The following SGCA variants were observed in gnomAD, a reference collection of about 807,000 sequenced individuals.
SGCA encodes the protein sarcoglycan alpha.
In SGCA, 34 loss-of-function variants were observed where a neutral mutation model predicts 38.1. That is an observed-to-expected ratio of 0.89 (90% CI 0.68 to 1.19). SGCA has a LOEUF of 1.19. Ranked by LOEUF, SGCA falls within the 50% of genes most tolerant of loss-of-function variation. SGCA has a pLI of 0.00. For missense variants in SGCA, 476 were observed against 524.9 expected (o/e 0.91, Z 0.91); for synonymous variants, 209 against 214.6 (o/e 0.97, Z 0.23).
At chr17:50,171,847 C>T (rs912865934) in intron 8 of SGCA, 4 of 456,682 alleles carry the variant, frequency 8.8e-6, no homozygotes, top group African/African-American at 8.0e-5. Context: ...TGCAGGTCCC[C>T]TTGTCCGCCA....
Position 50,168,375 on chromosome 17 carries a change from C to T in SGCA, c.387C>T (p.Gly129=). 2 of 1,570,074 alleles carry T rather than the reference C, an allele frequency of 1.3e-6. No homozygotes were observed. The highest frequency in any genetic ancestry group is 1.7e-6 in the Non-Finnish European group (2 of 1,157,958). Residue 129 remains glycine (G), a splice_region_variant and synonymous_variant, in exon 5 of 10, where the codon GGC becomes GGT. Transcript: ENST00000262018. ...GAGGTGTCCACCTGGCCTTCCCAGG[C>T]CCCCTGCTGCCATACCAAGCCGAGT... ...RLVLEIGDPE[G]PLLPYQAEFL...
rs142169382 is a variant in SGCA, at chr17:50,168,539, G to A, written c.551G>A (p.Arg184His). 1.3e-5 allele frequency: 20 copies of A among 1,574,406 alleles called. No individual in the cohort carries two copies. The highest frequency in any genetic ancestry group is 5.4e-5 in the African/African-American group (4 of 74,310). The change falls in exon 5 of 10, where the codon CGT becomes CAT. Residue 184 changes from arginine to histidine, a missense_variant. By Grantham distance (29) the Arg-to-His change is conservative. Transcript: ENST00000262018. ...ACCTCTGCCTTGGACCGTGGGGGCC[G>A]TGTCCCCCTTCCCATTGAGGGCCGA... ...NVTSALDRGGRVPLPIEGRKE... is the reference protein window; with the variant it reads ...NVTSALDRGGHVPLPIEGRKE...
In SGCA at chr17:50,168,396, C is replaced by CCCTGGTGCGCAGCCA. The variant is rs1598266970; in HGVS notation, c.408_409insCCTGGTGCGCAGCCA (p.Ala136_Glu137insProGlyAlaGlnPro). Reference sequence around the variant, plus strand: ...CAGGCCCCCTGCTGCCATACCAAGCCGAGTTCCTGGTGCGCAGCCACGATG... The same window carrying CCCTGGTGCGCAGCCA: ...CAGGCCCCCTGCTGCCATACCAAGCCCCTGGTGCGCAGCCAGAGTTCCTGGTGCGCAGCCACGATG... On this transcript the variant is annotated inframe_insertion, in exon 5 of 10. Transcript: ENST00000262018. The CCCTGGTGCGCAGCCA allele has an allele frequency of 6.3e-7, 1 of 1,586,074 alleles. No individual in the cohort carries two copies. Among genetic ancestry groups the CCCTGGTGCGCAGCCA allele is most frequent in the East Asian group, 2.3e-5 (1 of 43,736 alleles).
intron 6 of SGCA, 193 bp downstream of exon 6, chr17:50,169,447 C>CACA (rs1555569106): frequency 2.6e-5 from 11 of 427,460 alleles, no homozygotes; most frequent in South Asian, 5.8e-5. Context: ...ACACACACAC[C>CACA]CCTGAAGTTC....
intron 1 of SGCA, 111 bp downstream of exon 1, chr17:50,166,188 G>A: frequency 5.5e-6 from 5 of 913,720 alleles, no homozygotes; most frequent in Non-Finnish European, 9.1e-6. Flanking sequence ...GTTGGGTGAG[G>A]CAGGCGCCAG....
chr17:50,168,593 G>T (rs369986635), intron 5 of SGCA, 21 bp downstream of exon 5: 1 of 1,548,640 alleles, frequency 6.5e-7, no homozygotes, highest in Non-Finnish European at 8.7e-7. Context: ...AACCCTAGAG[G>T]ACTTCCTGAA....
In SGCA at chr17:50,169,241, G is replaced by C; in HGVS notation, c.734G>C (p.Cys245Ser). ...TLAPHFRVDW[C>S]NVTLVDKSVP... ...GCACCCCACTTCCGCGTTGACTGGT[G>C]CAATGTGACCCTGGTGAGGAGGGAC... is the stretch of plus-strand genomic sequence containing the variant. Residue 245 changes from cysteine (C) to serine (S), a missense_variant, in exon 6 of 10, where the codon TGC becomes TCC. Transcript: ENST00000262018. 1 of 1,613,378 alleles carries C rather than the reference G, an allele frequency of 6.2e-7. No homozygotes were observed. The highest frequency in any genetic ancestry group is 8.5e-7 in the Non-Finnish European group (1 of 1,179,496).
chr17:50,167,691 C>T lies in SGCA; in HGVS notation c.267C>T (p.Leu89=), dbSNP rs1326945460. Residue 89 remains leucine (L), a synonymous_variant, in exon 3 of 10, where the codon CTC becomes CTT. Transcript: ENST00000262018. This position sits in a 1 kb window ranked among gnomAD's most constrained non-coding sequence, Gnocchi z 4.5. ...TQRSPHHPGF[L]YGSATPEDRG... The stretch of plus-strand genomic sequence containing the variant: ...GCAGCCCCCACCACCCTGGCTTCCT[C>T]TACGGCTCTGCCACCCCAGAAGATC... 3 of 1,613,622 alleles carry T rather than the reference C, an allele frequency of 1.9e-6. No individual in the cohort carries two copies. The highest frequency in any genetic ancestry group is 2.5e-6 in the Non-Finnish European group (3 of 1,179,642).
chr17:50,174,643 G>A (rs1230640583), intron 8 of SGCA, among the ~76,000 whole-genome samples: 3 of 151,874 alleles, frequency 2.0e-5, no homozygotes, highest in African/African-American at 4.8e-5. Flanking sequence ...CACTGCGCCC[G>A]GCCTGGTGGT....
intron 7 of SGCA, 76 bp from the exon 8 acceptor site, chr17:50,170,564 C>A: frequency 6.8e-7 from 1 of 1,470,756 alleles, no homozygotes; most frequent in Non-Finnish European, 9.3e-7. Context: ...CACAGACCTC[C>A]ACTCACATTG....
intron 8 of SGCA, among the ~76,000 whole-genome samples, chr17:50,174,752 C>T (rs567999025): frequency 6.6e-6 from 1 of 152,272 alleles, no homozygotes; most frequent in Admixed American, 6.5e-5. Flanking sequence ...GCTGTCTACA[C>T]CCACAGCCTA....
At chr17:50,174,539 G>A (rs529740649) in intron 8 of SGCA, among the ~76,000 whole-genome samples, 20 of 152,010 alleles carry the variant, frequency 1.3e-4, no homozygotes, top group African/African-American at 3.9e-4. Context: ...TAGAGATGGG[G>A]TTTCACCATG....
intron 6 of SGCA, 189 bp downstream of exon 6, chr17:50,169,443 A>ACACACC (rs902593929): frequency 1.7e-6 from 1 of 588,608 alleles, no homozygotes; most frequent in Non-Finnish European, 3.0e-6. Flanking sequence ...ACACACACAC[A>ACACACC]CACCCCTGAA....
intron 1 of SGCA, among the ~76,000 whole-genome samples, chr17:50,166,922 C>T (rs1439970257): frequency 5.0e-5 from 5 of 99,948 alleles, no homozygotes; most frequent in Non-Finnish European, 6.1e-5. Flanking sequence ...CCCCCACACA[C>T]ACCTTCACAC....
At position 50,175,377 on chromosome 17, in the gene SGCA, T is replaced by C. The variant is rs778379427; in HGVS notation, c.1104T>C (p.Gly368=). 6.2e-6 allele frequency: 10 copies of C among 1,612,870 alleles called. No individual in the cohort carries two copies. Among genetic ancestry groups the C allele is most frequent in the Non-Finnish European group, 8.5e-6 (10 of 1,180,016 alleles). Residue 368 remains glycine, a synonymous_variant, in exon 9 of 10, where the codon GGT becomes GGC. Transcript: ENST00000262018. ...STLPMFNVHT[G]ERLPPRVDSA... ...TGCCCATGTTCAATGTGCACACAGG[T>C]GAGCGGCTGCCTCCCCGCGTGGACA...
At chr17:50,170,758 A>G in intron 8 of SGCA, 92 bp downstream of exon 8, 2 of 1,052,574 alleles carry the variant, frequency 1.9e-6, no homozygotes, top group South Asian at 1.4e-5. Flanking sequence ...GCAGAGACAA[A>G]ATAAATAACT....
At position 50,167,534 on chromosome 17, in the gene SGCA, CG is replaced by C; in HGVS notation, c.158-47del. The C allele has an allele frequency of 1.2e-6, 2 of 1,614,040 alleles. No homozygotes were observed. The highest frequency in any genetic ancestry group is 1.7e-6 in the Non-Finnish European group (2 of 1,180,016). On this transcript the variant is annotated intron_variant, in intron 2 of 9. Transcript: ENST00000262018. The surrounding 1 kb of genome is among the most constrained non-coding windows in gnomAD (Gnocchi z 4.5). ...CAGGCGGGCGGGCTGGGGTGTACCC[CG>C]CAGGGCTCCTGCTGTGACTCGAATC...
chr17:50,174,235 C>T (rs139001717), intron 8 of SGCA, among the ~76,000 whole-genome samples: 2 of 152,118 alleles, frequency 1.3e-5, no homozygotes, highest in South Asian at 2.1e-4. Flanking sequence ...GCAGGAGTAT[C>T]GCTTGAGCCC....
chr17:50,166,500 C>A (rs569234502), intron 1 of SGCA, among the ~76,000 whole-genome samples: 1 of 152,028 alleles, frequency 6.6e-6, no homozygotes, highest in South Asian at 2.1e-4. Flanking sequence ...TAGGGCAGGC[C>A]TTCTTCTTCC....
Sources: gnomAD v4.1 joint callset for allele counts (sites outside exome capture counted in the v4.1 genomes callset) on GRCh38, gnomAD v4.1.1 for gene constraint, Gnocchi (gnomAD v3.1) non-coding constraint, MANE v1.5 for transcripts, NCBI Gene and HGNC (gene_info 2026-07-23, HGNC 2026-07-21) for gene names.